EMCN: variants seen among roughly 807,000 people sequenced by gnomAD.
The protein encoded by EMCN is endomucin.
In EMCN, 37 loss-of-function variants were observed where a neutral mutation model predicts 38.4. The observed-to-expected ratio is 0.96, with a 90% CI of 0.74 to 1.27. EMCN has a LOEUF of 1.27. Ranked by LOEUF, EMCN falls within the 50% of genes most tolerant of loss-of-function variation. EMCN has a pLI of 0.00. For missense variants in EMCN, 318 were observed against 302.8 expected, an observed-to-expected ratio of 1.05 and a Z score of -0.37; for synonymous variants, 95 against 100.8, an observed-to-expected ratio of 0.94 and a Z score of 0.35.
chr4:100,467,454 G>A (rs168571), intron 3 of EMCN, among the ~76,000 whole-genome samples: 39,283 of 151,694 alleles, frequency 0.26, 6,450 homozygotes, highest in Non-Finnish European at 0.38. Flanking sequence ...CGAGGCGGGC[G>A]GATCACGAGG....
intron 11 of EMCN, among the ~76,000 whole-genome samples, chr4:100,403,339 C>A (rs969114917): frequency 1.3e-5 from 2 of 152,058 alleles, no homozygotes; most frequent in Admixed American, 1.3e-4. Flanking sequence ...ATAATGGACT[C>A]CAGATTCATC....
At chr4:100,430,055 C>T (rs1244495404) in intron 5 of EMCN, among the ~76,000 whole-genome samples, 1 of 152,248 alleles carries the variant, frequency 6.6e-6, no homozygotes, top group East Asian at 1.9e-4. Flanking sequence ...GAGATATTCT[C>T]ACCTCTTCCT....
chr4:100,459,136 ACTC>A (rs1381984587), intron 4 of EMCN, among the ~76,000 whole-genome samples: 1 of 137,536 alleles, frequency 7.3e-6, no homozygotes, highest in Non-Finnish European at 1.6e-5. Context: ...AAGTTGGACA[ACTC>A]CTCCTAGCTG....
Position 100,429,721 on chromosome 4 carries a change from A to AGT in EMCN, c.416-6318_416-6317insAC, listed in dbSNP as rs1467963782. Reference sequence around the variant, plus strand: ...AGGATATATTTTTCTTTTTGATTAAAATAGTTTTTACAAAATTATATATGA... The same window carrying AGT: ...AGGATATATTTTTCTTTTTGATTAAAGTATAGTTTTTACAAAATTATATATGA... On this transcript the variant is annotated intron_variant, in intron 5 of 11. Transcript: ENST00000296420. Among the ~76,000 whole-genome samples the AGT allele has an allele frequency of 5.2e-3, 34 of 6,546 alleles. No homozygotes were observed. The East Asian group carries it at 0.3, about 59-fold the overall frequency. The allele number at this position is 6,546 out of a possible 152,430, so 4.3% of individuals were successfully genotyped here.
Position 100,484,478 on chromosome 4 carries a change from C to T in EMCN, c.65-4439G>A, listed in dbSNP as rs28731120. 6.1e-3 allele frequency among the ~76,000 whole-genome samples: 921 copies of T among 152,212 alleles called. 10 individuals carry two copies. The highest frequency in any genetic ancestry group is 0.021 in the African/African-American group (876 of 41,520). On this transcript the variant is annotated intron_variant, in intron 1 of 11. Coordinates refer to ENST00000296420, the MANE Select transcript of EMCN (RefSeq NM_016242.4). ...TTTTTCTCAGACTGGCCTTGAACTCCTGCGCTCAAGATATCATCTCACCTA... is the reference window on the plus strand; with the variant it reads ...TTTTTCTCAGACTGGCCTTGAACTCTTGCGCTCAAGATATCATCTCACCTA...
chr4:100,453,609 TG>T lies in EMCN; in HGVS notation c.377-6039del, dbSNP rs750122087. 3.0e-3 allele frequency among the ~76,000 whole-genome samples: 462 copies of T among 152,202 alleles called. 2 individuals are homozygous for T. The highest frequency in any genetic ancestry group is 0.01 in the Middle Eastern group (3 of 294). On this transcript the variant is annotated intron_variant, in intron 4 of 11. Transcript: ENST00000296420. Reference sequence around the variant, plus strand: ...CTAGTTCAACCACTGTGGAAGTCAGTGTGGCGATTCCTCAGGGATCTAGAAC... The same window carrying T: ...CTAGTTCAACCACTGTGGAAGTCAGTTGGCGATTCCTCAGGGATCTAGAAC...
At chr4:100,515,499 A>G (rs935095690) in intron 1 of EMCN, among the ~76,000 whole-genome samples, 4 of 152,132 alleles carry the variant, frequency 2.6e-5, no homozygotes, top group Admixed American at 6.6e-5. Context: ...CACAAACAGC[A>G]TGAAAGACTG....
At chr4:100,402,856 T>G (rs2110204329) in intron 11 of EMCN, among the ~76,000 whole-genome samples, 1 of 152,254 alleles carries the variant, frequency 6.6e-6, no homozygotes, top group South Asian at 2.1e-4. Flanking sequence ...GACTTGCTTT[T>G]TCCAAGTTGG....
chr4:100,423,175 G>C lies in EMCN; in HGVS notation c.509-95C>G. On this transcript the variant is annotated intron_variant, in intron 6 of 11. Coordinates refer to ENST00000296420, the MANE Select transcript of EMCN (RefSeq NM_016242.4). ...TCATTTAAGGAAACAGCCATGATTT[G>C]TAGGTATGATGCTGCAAGTGCAAAA... 7 of 1,385,622 alleles carry C rather than the reference G, an allele frequency of 5.1e-6. No homozygotes were observed. In the South Asian group the frequency reaches 8.1e-5, roughly 16 times the overall value. 85.8% of individuals were successfully genotyped at this position (1,385,622 alleles called of 1,614,324 possible). A position where few individuals can be genotyped will look rare whatever the true frequency, so the allele number is the denominator to read the frequency against.
At chr4:100,446,072 G>A (rs1727663171) in intron 5 of EMCN, 1 of 985,038 alleles carries the variant, frequency 1.0e-6, no homozygotes, top group African/African-American at 1.7e-5. Context: ...CCTCCTTAAA[G>A]AGAACTGACA....
At chr4:100,418,899 T>A (rs1354356529) in intron 8 of EMCN, among the ~76,000 whole-genome samples, 1 of 152,126 alleles carries the variant, frequency 6.6e-6, no homozygotes, top group East Asian at 1.9e-4. Flanking sequence ...GTTAAGCGTA[T>A]ATACCCAGCA....
In EMCN at chr4:100,473,373, G is replaced by GTTTTTTTTTTTTT. The variant is rs1256284835; in HGVS notation, c.259+1664_259+1665insAAAAAAAAAAAAA. 4.2e-3 allele frequency among the ~76,000 whole-genome samples: 279 copies of GTTTTTTTTTTTTT among 65,918 alleles called. 23 individuals carry two copies. Among genetic ancestry groups the GTTTTTTTTTTTTT allele is most frequent in the East Asian group, 9.0e-3 (17 of 1,892 alleles). The allele number at this position is 65,918 out of a possible 152,430, so 43.2% of individuals were successfully genotyped here. A position where few individuals can be genotyped will look rare whatever the true frequency, so the allele number is the denominator to read the frequency against. On this transcript the variant is annotated intron_variant, in intron 3 of 11. Transcript: ENST00000296420. ...GGCATTTCCCGTTTCGTGTTTTTTT[G>GTTTTTTTTTTTTT]TTTTTTTTTTTTGTTTTTTTTTTTG...
intron 11 of EMCN, among the ~76,000 whole-genome samples, chr4:100,406,425 A>G (rs1253682043): frequency 6.6e-6 from 1 of 152,066 alleles, no homozygotes; most frequent in Non-Finnish European, 1.5e-5. Context: ...AGATTCTGGT[A>G]TGTTGTATAT....
intron 11 of EMCN, among the ~76,000 whole-genome samples, chr4:100,401,974 C>T (rs543735816): frequency 1.1e-3 from 165 of 152,126 alleles, no homozygotes; most frequent in African/African-American, 3.9e-3. Flanking sequence ...TTATTTTTCC[C>T]TTTTAATTTT....
At chr4:100,403,460 T>A (rs1263729256) in intron 11 of EMCN, among the ~76,000 whole-genome samples, 1 of 106,776 alleles carries the variant, frequency 9.4e-6, no homozygotes, top group Non-Finnish European at 1.8e-5. Context: ...GGCATCTAGG[T>A]TGGTGGGCAT....
intron 1 of EMCN, among the ~76,000 whole-genome samples, chr4:100,498,721 C>T (rs1293037779): frequency 1.3e-5 from 2 of 152,242 alleles, no homozygotes; most frequent in South Asian, 2.1e-4. Context: ...GGAGTACAGG[C>T]GTGAGCCACC....
At chr4:100,414,341 T>C (rs952717160) in intron 10 of EMCN, among the ~76,000 whole-genome samples, 1 of 147,240 alleles carries the variant, frequency 6.8e-6, no homozygotes, top group Admixed American at 7.0e-5. Flanking sequence ...ATTAGGCTGC[T>C]TGAGCACTTT....
chr4:100,419,845 G>A (rs1433256), intron 8 of EMCN, among the ~76,000 whole-genome samples: 20,572 of 151,906 alleles, frequency 0.14, 1,580 homozygotes, highest in African/African-American at 0.2. Flanking sequence ...GAACTCTGCT[G>A]TTTTGGTCTC....
At chr4:100,425,187 T>C (rs1025087693) in intron 5 of EMCN, among the ~76,000 whole-genome samples, 1 of 45,638 alleles carries the variant, frequency 2.2e-5, no homozygotes, top group African/African-American at 9.7e-5. Flanking sequence ...ACACACACAA[T>C]TACTGCTCAT....
Sources: gnomAD v4.1 joint callset for allele counts (sites outside exome capture counted in the v4.1 genomes callset) on GRCh38, gnomAD v4.1.1 for gene constraint, MANE v1.5 for transcripts, NCBI Gene and HGNC (gene_info 2026-07-23, HGNC 2026-07-21) for gene names.